ABR: variants seen among roughly 807,000 people sequenced by gnomAD.
ABR encodes active breakpoint cluster region-related protein.
In ABR, 35 loss-of-function variants were observed where a neutral mutation model predicts 107.2. The ratio of observed to expected loss-of-function variants is 0.33; its 90% confidence interval spans 0.25 to 0.43. ABR has a LOEUF of 0.43. Among genes scored for constraint, ABR ranks in the 20% least tolerant of loss-of-function variants. The probability of loss-of-function intolerance (pLI) is 1.00; values close to 1 mark genes in which losing one functional copy is unlikely to be tolerated. For synonymous variants in ABR, 498 were observed against 462.0 expected (o/e 1.08, Z -1.00); for missense variants, 815 against 1,115.2 (o/e 0.73, Z 3.83).
chr17:1,139,499 G>T (rs1020425445), intron 1 of ABR, among the ~76,000 whole-genome samples: 1 of 151,770 alleles, frequency 6.6e-6, no homozygotes, highest in Admixed American at 6.6e-5. Context: ...TGATCCACCC[G>T]CCTCGGCCTC....
rs899682990 is a variant in ABR, at chr17:1,195,168, G to A, written c.838+33625C>T. ...TAAAAATACAAAAAATTAGCCGGGC[G>A]CAGTGGCGGGCGCCTGTAGTCCCAG... On this transcript the variant is annotated intron_variant, in intron 1 of 22. Coordinates refer to the ABR transcript ENST00000574139. 4.0e-4 allele frequency among the ~76,000 whole-genome samples: 59 copies of A among 147,818 alleles called. 2 individuals carry two copies. Among genetic ancestry groups the A allele is most frequent in the East Asian group, 1.1e-3 (5 of 4,562 alleles).
chr17:1,004,742 G>A lies in ABR; in HGVS notation c.*1338C>T, dbSNP rs2069898156. ...CAGAACCCAGCCCCTAGAGGCGGCT[G>A]TCTGATTCCCCACTCTCCCCACAAC... On this transcript the variant is annotated 3_prime_UTR_variant, in exon 23 of 23. Coordinates refer to ENST00000302538, the MANE Select transcript of ABR (RefSeq NM_021962.5). 3.3e-6 allele frequency: 1 copy of A among 303,030 alleles called. No individual in the cohort carries two copies. The highest frequency in any genetic ancestry group is 6.1e-6 in the Non-Finnish European group (1 of 165,190). 18.8% of individuals were successfully genotyped at this position (303,030 alleles called of 1,614,324 possible). A position where few individuals can be genotyped will look rare whatever the true frequency, so the allele number is the denominator to read the frequency against.
Position 1,004,867 on chromosome 17 carries a change from C to T in ABR, c.*1213G>A, listed in dbSNP as rs2069906787. On this transcript the variant is annotated 3_prime_UTR_variant, in exon 23 of 23. Coordinates refer to ENST00000302538, the MANE Select transcript of ABR (RefSeq NM_021962.5). ...GGGCCTGTGCCTTTGCTTCCCAGGT[C>T]CTGGAGGACCGTGGCAGTGCTTGGC... 4 of 396,258 alleles carry T rather than the reference C, an allele frequency of 1.0e-5. No homozygotes were observed. In the Admixed American group the frequency reaches 1.8e-4, roughly 18 times the overall value. 24.5% of individuals were successfully genotyped at this position (396,258 alleles called of 1,614,324 possible). A position where few individuals can be genotyped will look rare whatever the true frequency, so the allele number is the denominator to read the frequency against.
chr17:1,181,409 G>A (rs1291785196), upstream of ABR, among the ~76,000 whole-genome samples: 1 of 150,792 alleles, frequency 6.6e-6, no homozygotes, highest in East Asian at 1.9e-4. Flanking sequence ...GGCTGCAGCA[G>A]AAGTGGTTTT....
chr17:1,011,738 C>A lies in ABR; in HGVS notation c.2101+108G>T. ...TTGCCACGGGGACTCTGAAGCAGAG[C>A]AAGCCTCCTCTCCAGGGAGGCTCCT... On this transcript the variant is annotated intron_variant, in intron 19 of 22. Coordinates refer to ENST00000302538, the MANE Select transcript of ABR (RefSeq NM_021962.5). This position sits in a 1 kb window ranked among gnomAD's most constrained non-coding sequence, Gnocchi z 4.8. 2 of 1,371,898 alleles carry A rather than the reference C, an allele frequency of 1.5e-6. No homozygotes were observed. The highest frequency in any genetic ancestry group is 1.9e-6 in the Non-Finnish European group (2 of 1,028,652). 85.0% of individuals were successfully genotyped at this position (1,371,898 alleles called of 1,614,324 possible). A position where few individuals can be genotyped will look rare whatever the true frequency, so the allele number is the denominator to read the frequency against.
chr17:1,154,271 G>A lies in ABR; in HGVS notation c.61+25396C>T, dbSNP rs907953279. ...ATCGGGAGACAGGCTGTACCATGGC[G>A]TCTCCACCACCACACGGTCCCCTCC... On this transcript the variant is annotated intron_variant, in intron 1 of 22. Coordinates refer to ENST00000302538, the MANE Select transcript of ABR (RefSeq NM_021962.5). The surrounding 1 kb of genome is among the most constrained non-coding windows in gnomAD (Gnocchi z 4.0). The A allele has an allele frequency of 7.9e-5, 12 of 152,232 alleles. No homozygotes were observed. The highest frequency in any genetic ancestry group is 2.1e-4 in the South Asian group (1 of 4,834). The allele number at this position is 152,232 out of a possible 1,614,324, so 9.4% of individuals were successfully genotyped here. A position where few individuals can be genotyped will look rare whatever the true frequency, so the allele number is the denominator to read the frequency against.
chr17:1,179,583 C>G lies in ABR; in HGVS notation c.61+84G>C, dbSNP rs2042048810. Reference sequence around the variant, plus strand: ...TGGGTCCCGATCCCGATCTTGGGGTCCCGATCCCGATCCTGGGGTCCCGAT... The same window carrying G: ...TGGGTCCCGATCCCGATCTTGGGGTGCCGATCCCGATCCTGGGGTCCCGAT... On this transcript the variant is annotated intron_variant, in intron 1 of 22. Coordinates refer to ENST00000302538, the MANE Select transcript of ABR (RefSeq NM_021962.5). The surrounding 1 kb of genome is among the most constrained non-coding windows in gnomAD (Gnocchi z 4.9). 1.5e-6 allele frequency: 2 copies of G among 1,355,994 alleles called. No homozygotes were observed. Among genetic ancestry groups the G allele is most frequent in the South Asian group, 3.2e-5 (2 of 63,268 alleles). 84.0% of individuals were successfully genotyped at this position (1,355,994 alleles called of 1,614,324 possible).
rs554577893 is a variant in ABR, at chr17:1,071,723, C to T, written c.894+891G>A. On this transcript the variant is annotated intron_variant, in intron 8 of 22. Transcript: ENST00000302538. The surrounding 1 kb of genome is among the most constrained non-coding windows in gnomAD (Gnocchi z 5.1). Reference sequence around the variant, plus strand: ...CCCTTCGCTTCCTAGGAGACCCTGACGGCATCACACTGGCCAGAGGCAGGT... The same window carrying T: ...CCCTTCGCTTCCTAGGAGACCCTGATGGCATCACACTGGCCAGAGGCAGGT... Among the ~76,000 whole-genome samples, 8 of 152,372 alleles carry T rather than the reference C, an allele frequency of 5.3e-5. No individual in the cohort carries two copies. Among genetic ancestry groups the T allele is most frequent in the East Asian group, 3.9e-4 (2 of 5,192 alleles).
In ABR at chr17:1,102,305, C is replaced by T. The variant is rs1027549003; in HGVS notation, c.247-1570G>A. Among the ~76,000 whole-genome samples, 5 of 152,028 alleles carry T rather than the reference C, an allele frequency of 3.3e-5. No individual in the cohort carries two copies. In the East Asian group the frequency reaches 9.7e-4, roughly 29 times the overall value. ...GGCCACAGAAGGGGAGTGAGAGGGC[C>T]GGGGAGACAGGGTAGTGGTGAGGGA... On this transcript the variant is annotated intron_variant, in intron 2 of 22. Coordinates refer to ENST00000302538, the MANE Select transcript of ABR (RefSeq NM_021962.5).
chr17:1,197,795 T>C (rs763914454), intron 1 of ABR, among the ~76,000 whole-genome samples: 2 of 151,478 alleles, frequency 1.3e-5, no homozygotes, highest in Non-Finnish European at 2.9e-5. Flanking sequence ...GGAGGGAAGA[T>C]CAGCGCTCAC....
intron 1 of ABR, among the ~76,000 whole-genome samples, chr17:1,139,381 A>T (rs1269571731): frequency 3.9e-5 from 6 of 152,088 alleles, no homozygotes; most frequent in African/African-American, 1.4e-4. Flanking sequence ...CCTCCCGAGT[A>T]GCTGGGACTA....
At position 1,179,528 on chromosome 17, in the gene ABR, C is replaced by T; in HGVS notation, c.61+139G>A. The T allele has an allele frequency of 2.2e-6, 2 of 927,812 alleles. No individual in the cohort carries two copies. Among genetic ancestry groups the T allele is most frequent in the African/African-American group, 1.7e-5 (1 of 57,318 alleles). 57.5% of individuals were successfully genotyped at this position (927,812 alleles called of 1,614,324 possible). On this transcript the variant is annotated intron_variant, in intron 1 of 22. Transcript: ENST00000302538. The surrounding 1 kb of genome is among the most constrained non-coding windows in gnomAD (Gnocchi z 4.9). The stretch of plus-strand genomic sequence containing the variant: ...CCGATCCGGACCCCGATCTCGCCCC[C>T]GCCCGCGCTCCCCGGACCAGCCCGG...
At chr17:1,186,079 C>T (rs371253217) in intron 1 of ABR, among the ~76,000 whole-genome samples, 103 of 152,260 alleles carry the variant, frequency 6.8e-4, no homozygotes, top group African/African-American at 2.2e-3. Context: ...TCAGGTGATC[C>T]GCCCGCCTCC....
At chr17:1,129,102 G>A (rs920079200) in intron 1 of ABR, among the ~76,000 whole-genome samples, 1 of 152,180 alleles carries the variant, frequency 6.6e-6, no homozygotes, top group Non-Finnish European at 1.5e-5. Context: ...AGGCTCCTTG[G>A]TGAAATCTTC....
chr17:1,192,979 C>T (rs1426834477), intron 1 of ABR, among the ~76,000 whole-genome samples: 2 of 152,140 alleles, frequency 1.3e-5, no homozygotes, highest in Admixed American at 6.6e-5. Context: ...ACCCAGGAGG[C>T]GGAGGCTGTA....
chr17:1,009,600 A>G, intron 21 of ABR, 79 bp downstream of exon 21: 2 of 1,151,418 alleles, frequency 1.7e-6, no homozygotes, highest in Non-Finnish European at 2.6e-6. Flanking sequence ...GGGACTGAGG[A>G]GGTGGGGTTG....
chr17:1,227,733 C>T lies in ABR; in HGVS notation c.838+1060G>A, dbSNP rs868727328. ...GACACCACCAGTGTGCTGCTTTCCG[C>T]GTGGCTGAGGAGACCGTGACAGTTC... On this transcript the variant is annotated intron_variant, in intron 1 of 22. Transcript: ENST00000574139. 5.9e-5 allele frequency among the ~76,000 whole-genome samples: 9 copies of T among 152,092 alleles called. No individual in the cohort carries two copies. In the South Asian group the frequency reaches 6.2e-4, roughly 11 times the overall value.
intron 16 of ABR, among the ~76,000 whole-genome samples, chr17:1,033,124 G>C (rs2072933990): frequency 6.6e-6 from 1 of 152,206 alleles, no homozygotes; most frequent in South Asian, 2.1e-4. Context: ...TTTGGATTCA[G>C]GAAAAAGAGC....
In ABR at chr17:1,012,853, GCC is replaced by G. The variant is rs2070743047; in HGVS notation, c.1852-58_1852-57del. 4 of 1,434,448 alleles carry G rather than the reference GCC, an allele frequency of 2.8e-6. No homozygotes were observed. The South Asian group carries it at 3.7e-5, about 13-fold the overall frequency. The allele number at this position is 1,434,448 out of a possible 1,614,324, so 88.9% of individuals were successfully genotyped here. ...CCCAGGGTGTGAGTGCCCGAGGAAT[GCC>G]CCCAAAACACAGGGGTCCCCTCCCC... On this transcript the variant is annotated intron_variant, in intron 17 of 22. Coordinates refer to ENST00000302538, the MANE Select transcript of ABR (RefSeq NM_021962.5).
Sources: gnomAD v4.1 joint callset for allele counts (sites outside exome capture counted in the v4.1 genomes callset) on GRCh38, gnomAD v4.1.1 for gene constraint, Gnocchi (gnomAD v3.1) non-coding constraint, MANE v1.5 for transcripts, NCBI Gene and HGNC (gene_info 2026-07-23, HGNC 2026-07-21) for gene names.